DLC1: variants seen among roughly 807,000 people sequenced by gnomAD.
DLC1 encodes the protein rho GTPase-activating protein 7.
Under a neutral mutation model 140.3 loss-of-function variants are expected in DLC1, and 54 were observed. The observed-to-expected ratio is 0.38, with a 90% CI of 0.31 to 0.48. The LOEUF (loss-of-function observed/expected upper bound fraction) is 0.48. Ranked by LOEUF, DLC1 falls within the 20% of genes least tolerant of loss-of-function variation. DLC1 has a pLI of 0.96. For missense variants in DLC1, 2,536 were observed against 1,907.0 expected (o/e 1.33, Z -6.14); for synonymous variants, 986 against 728.1 (o/e 1.35, Z -5.70).
At chr8:13,328,444 G>T (rs1374308710) in intron 4 of DLC1, among the ~76,000 whole-genome samples, 1 of 152,142 alleles carries the variant, frequency 6.6e-6, no homozygotes, top group Non-Finnish European at 1.5e-5. Flanking sequence ...TCAGATTCTT[G>T]CCCTGTGAAG....
intron 4 of DLC1, among the ~76,000 whole-genome samples, chr8:13,368,417 G>C (rs915141263): frequency 6.6e-5 from 10 of 152,044 alleles, no homozygotes; most frequent in African/African-American, 2.4e-4. Context: ...TCAGGCAGCA[G>C]CACAACAAGA....
At chr8:13,171,599 G>A (rs1008947407) in intron 5 of DLC1, among the ~76,000 whole-genome samples, 1 of 151,912 alleles carries the variant, frequency 6.6e-6, no homozygotes, top group South Asian at 2.1e-4. Flanking sequence ...GGTTGTCCAG[G>A]CTGGTCTCAA....
intron 1 of DLC1, among the ~76,000 whole-genome samples, chr8:13,600,254 T>C (rs906530610): frequency 6.6e-6 from 1 of 151,912 alleles, no homozygotes; most frequent in African/African-American, 2.4e-5. Flanking sequence ...ATTTAACTTA[T>C]AAATTATCCC....
intron 4 of DLC1, among the ~76,000 whole-genome samples, chr8:13,387,899 G>A (rs186139288): frequency 3.8e-4 from 58 of 152,114 alleles, no homozygotes; most frequent in African/African-American, 1.3e-3. Context: ...TGACTGAACC[G>A]TGAAAACTCA....
At chr8:13,204,943 A>G (rs554764569) in intron 5 of DLC1, among the ~76,000 whole-genome samples, 3 of 152,344 alleles carry the variant, frequency 2.0e-5, no homozygotes, top group Non-Finnish European at 2.9e-5. Flanking sequence ...ATTTTGCATC[A>G]TAACTGTAAC....
chr8:13,086,137 A>T, intron 17 of DLC1, 153 bp downstream of exon 17: 1 of 1,337,276 alleles, frequency 7.5e-7, no homozygotes, highest in Admixed American at 2.7e-5. Flanking sequence ...CTGAAAGACC[A>T]ACAAACATGA....
chr8:13,139,481 A>G (rs558209639), intron 5 of DLC1, among the ~76,000 whole-genome samples: 1 of 152,154 alleles, frequency 6.6e-6, no homozygotes, highest in African/African-American at 2.4e-5. Context: ...GGTATTGGGC[A>G]AAACTAAAAT....
Position 13,092,782 on chromosome 8 carries a change from G to T in DLC1, c.3570C>A (p.Ile1190=). The stretch of plus-strand genomic sequence containing the variant: ...CCCGGTTCTCGTCAGGCAGCAGCAT[G>T]ATGGCAGCCTTGATGGCCTGCAGGC... ...DQRLQAIKAA[I]MLLPDENREV... is the part of the protein sequence containing the mutation. The change falls in exon 13 of 18, where the codon ATC becomes ATA. Residue 1190 remains isoleucine, a synonymous_variant. Coordinates refer to ENST00000276297, the MANE Select transcript of DLC1 (RefSeq NM_182643.3). The T allele has an allele frequency of 6.2e-7, 1 of 1,614,088 alleles. No homozygotes were observed. The highest frequency in any genetic ancestry group is 8.5e-7 in the Non-Finnish European group (1 of 1,179,994).
intron 4 of DLC1, among the ~76,000 whole-genome samples, chr8:13,323,679 C>T (rs935166373): frequency 6.6e-6 from 1 of 152,104 alleles, no homozygotes; most frequent in Non-Finnish European, 1.5e-5. Flanking sequence ...CATGCATAGT[C>T]AGGCATATGG....
intron 4 of DLC1, among the ~76,000 whole-genome samples, chr8:13,352,324 A>G (rs528772959): frequency 2.3e-4 from 35 of 152,278 alleles, no homozygotes; most frequent in African/African-American, 7.7e-4. Flanking sequence ...TCATAAGTGC[A>G]TTTGCTTTTA....
At chr8:13,223,268 C>T (rs1005661205) in intron 5 of DLC1, among the ~76,000 whole-genome samples, 2 of 152,064 alleles carry the variant, frequency 1.3e-5, no homozygotes, top group African/African-American at 4.8e-5. Flanking sequence ...TGTGGCCCAT[C>T]AGACTAGAAC....
chr8:13,381,374 G>A (rs1286702818), intron 4 of DLC1, among the ~76,000 whole-genome samples: 2 of 152,174 alleles, frequency 1.3e-5, no homozygotes, highest in Non-Finnish European at 2.9e-5. Context: ...GAGATCACAG[G>A]TGTGGTAGCT....
At chr8:13,396,182 C>G (rs1045831978) in intron 3 of DLC1, among the ~76,000 whole-genome samples, 3 of 151,238 alleles carry the variant, frequency 2.0e-5, no homozygotes, top group African/African-American at 4.9e-5. Context: ...GCCTCGGCCT[C>G]CCGAGTAGCT....
intron 4 of DLC1, among the ~76,000 whole-genome samples, chr8:13,333,660 C>T (rs1833696278): frequency 6.6e-6 from 1 of 152,090 alleles, no homozygotes; most frequent in Admixed American, 6.6e-5. Context: ...TCTCACCCGC[C>T]CCCTTATTTA....
intron 1 of DLC1, among the ~76,000 whole-genome samples, chr8:13,557,461 C>T (rs932841722): frequency 6.6e-6 from 1 of 152,158 alleles, no homozygotes; most frequent in Non-Finnish European, 1.5e-5. Context: ...TGGTTTGGCT[C>T]TTTGTCCCTA....
intron 5 of DLC1, among the ~76,000 whole-genome samples, chr8:13,290,561 A>G (rs866334634): frequency 7.2e-5 from 11 of 152,170 alleles, no homozygotes; most frequent in Non-Finnish European, 5.9e-5. Context: ...GATAATTCAC[A>G]TGTGGTTTTT....
intron 1 of DLC1, among the ~76,000 whole-genome samples, chr8:13,541,268 T>C (rs969452326): frequency 2.7e-5 from 4 of 150,686 alleles, no homozygotes; most frequent in Non-Finnish European, 5.9e-5. Context: ...AACATTCACA[T>C]ACAAGTCTTT....
intron 7 of DLC1, among the ~76,000 whole-genome samples, chr8:13,105,180 C>T (rs1363167340): frequency 6.6e-6 from 1 of 152,086 alleles, no homozygotes; most frequent in Non-Finnish European, 1.5e-5. Flanking sequence ...CCCAGGAGGC[C>T]AGTTCTATAA....
intron 2 of DLC1, among the ~76,000 whole-genome samples, chr8:13,425,505 T>A (rs1317408858): frequency 6.6e-6 from 1 of 152,186 alleles, no homozygotes; most frequent in Non-Finnish European, 1.5e-5. Flanking sequence ...AATGGTTCGC[T>A]TTCTCTATCA....
Sources: allele counts gnomAD v4.1 joint callset (sites outside exome capture counted in the v4.1 genomes callset), GRCh38; gene constraint gnomAD v4.1.1; transcripts MANE v1.5; gene names NCBI Gene and HGNC (gene_info 2026-07-23, HGNC 2026-07-21).